Variants in FRY observed in about 807,000 individuals in gnomAD.
FRY encodes FRY microtubule binding protein.
FRY carries 128 observed loss-of-function variants against 348.4 expected under a neutral mutation model. The observed-to-expected ratio is 0.37, with a 90% CI of 0.32 to 0.43. The LOEUF (loss-of-function observed/expected upper bound fraction) is 0.43, where lower values mean the gene tolerates loss of function less well. FRY is among the 20% of genes least tolerant of loss of function. The pLI, the probability that FRY is intolerant of heterozygous loss-of-function variation, is 1.00. For synonymous variants in FRY, 1,370 were observed against 1,374.7 expected, an observed-to-expected ratio of 1.00 and a Z score of 0.08; for missense variants, 2,736 against 3,695.2, an observed-to-expected ratio of 0.74 and a Z score of 6.73.
rs1283805938 is a variant in FRY at position 32,237,061 on chromosome 13, AG to A, written c.5811-316del. ...CAGAATATTGAAGCTTATACCTATCAGGTACATTTTATTTCATAATTACTCC... is the reference window on the plus strand; with the variant it reads ...CAGAATATTGAAGCTTATACCTATCAGTACATTTTATTTCATAATTACTCC... On this transcript the variant is annotated intron_variant, in intron 43 of 60. Transcript: ENST00000542859. This position sits in a 1 kb window ranked among gnomAD's most constrained non-coding sequence, Gnocchi z 6.3. 6.6e-6 allele frequency among the ~76,000 whole-genome samples: 1 copy of A among 152,168 alleles called. No homozygotes were observed. The highest frequency in any genetic ancestry group is 1.5e-5 in the Non-Finnish European group (1 of 68,028).
intron 2 of FRY, among the ~76,000 whole-genome samples, chr13:32,081,942 C>A (rs1170827946): frequency 1.3e-5 from 2 of 151,994 alleles, no homozygotes; most frequent in African/African-American, 4.8e-5. Context: ...GCTTTAAAAC[C>A]CTGAATTTAT....
At chr13:32,087,525 G>A (rs1875964886) in intron 2 of FRY, among the ~76,000 whole-genome samples, 1 of 152,156 alleles carries the variant, frequency 6.6e-6, no homozygotes, top group Non-Finnish European at 1.5e-5. Flanking sequence ...TTGATGAACG[G>A]GACTGTGGGT....
chr13:32,124,873 C>G lies in FRY; in HGVS notation c.714C>G (p.Ala238=), dbSNP rs781763670. 6.2e-6 allele frequency: 10 copies of G among 1,603,672 alleles called. No homozygotes were observed. The Admixed American group carries it at 1.7e-4, about 27-fold the overall frequency. The change falls in exon 7 of 61, where the codon GCC becomes GCG. Residue 238 remains alanine, a splice_region_variant and synonymous_variant. Coordinates refer to ENST00000542859, the MANE Select transcript of FRY (RefSeq NM_023037.3). ...YAEVIGVLAQ[A]KFPAVKKKFM... ...AAGTCATTGGAGTGTTGGCACAAGC[C>G]AAGTAAGTGAATGCCAGAACCCTTT...
intron 2 of FRY, chr13:32,085,963 C>G (rs772324075): frequency 2.1e-5 from 11 of 518,838 alleles, no homozygotes; most frequent in Admixed American, 1.9e-4. Context: ...GACAACACCC[C>G]CAACGATCTC....
chr13:32,192,474 G>A (rs962511304), intron 28 of FRY, among the ~76,000 whole-genome samples: 5 of 151,462 alleles, frequency 3.3e-5, no homozygotes, highest in Non-Finnish European at 5.9e-5. Flanking sequence ...CACCACGCCT[G>A]GCTAATTTTT....
Position 32,182,970 on chromosome 13 carries a change from TC to T in FRY, c.2997-5del. 1 of 1,586,874 alleles carries T rather than the reference TC, an allele frequency of 6.3e-7. No homozygotes were observed. Among genetic ancestry groups the T allele is most frequent in the Non-Finnish European group, 8.7e-7 (1 of 1,155,852 alleles). ...TGAATTTCAAATTTGACCTTTTTCC[TC>T]CACAGAGAATTGGTAGAAGAACTTC... is the stretch of plus-strand genomic sequence containing the variant. On this transcript the variant is annotated splice_region_variant and splice_polypyrimidine_tract_variant and intron_variant, in intron 23 of 60. Coordinates refer to ENST00000542859, the MANE Select transcript of FRY (RefSeq NM_023037.3).
At chr13:32,034,115 G>A (rs972093487) in intron 1 of FRY, among the ~76,000 whole-genome samples, 2 of 152,190 alleles carry the variant, frequency 1.3e-5, no homozygotes, top group African/African-American at 4.8e-5. Flanking sequence ...CCACATACCT[G>A]AATGGAGACT....
chr13:32,237,345 G>A lies in FRY; in HGVS notation c.5811-34G>A, dbSNP rs754756135. The A allele has an allele frequency of 2.5e-6, 4 of 1,609,572 alleles. No homozygotes were observed. The highest frequency in any genetic ancestry group is 2.2e-5 in the East Asian group (1 of 44,862). On this transcript the variant is annotated intron_variant, in intron 43 of 60. Transcript: ENST00000542859. This position sits in a 1 kb window ranked among gnomAD's most constrained non-coding sequence, Gnocchi z 6.3. ...GACTGGCTTTTGGTGACACATGTTG[G>A]CATCCTATTAAACTTATTTATTTTT...
At chr13:32,242,642 C>A (rs1886577693) in intron 46 of FRY, among the ~76,000 whole-genome samples, 1 of 152,176 alleles carries the variant, frequency 6.6e-6, no homozygotes, top group Non-Finnish European at 1.5e-5. Context: ...TCACACAGTT[C>A]TCCTGCCTCA....
chr13:32,082,657 C>T (rs1875574769), intron 2 of FRY, among the ~76,000 whole-genome samples: 1 of 152,152 alleles, frequency 6.6e-6, no homozygotes, highest in Admixed American at 6.5e-5. Context: ...TGGTAAATTA[C>T]TCAGTCTTGT....
chr13:32,268,500 AAAAAAATATATATATATATAT>A (rs1243632266), intron 55 of FRY, among the ~76,000 whole-genome samples: 2 of 18,986 alleles, frequency 1.1e-4, no homozygotes, highest in South Asian at 3.2e-3. Flanking sequence ...AAAAAAAAAA[AAAAAAATATATATATATATAT>A]ATATATATAT....
In FRY at chr13:32,134,966, T is replaced by G; in HGVS notation, c.948T>G (p.Leu316=). Reference sequence around the variant, plus strand: ...ATATCAAGCATGCCTTGGCTGGGCTTTTTGTTGAAATACTTGTTCCAGTTG... The same window carrying G: ...ATATCAAGCATGCCTTGGCTGGGCTGTTTGTTGAAATACTTGTTCCAGTTG... ...DKDIKHALAG[L]FVEILVPVAA... Residue 316 remains leucine (L), a synonymous_variant, in exon 9 of 61, where the codon CTT becomes CTG. Coordinates refer to ENST00000542859, the MANE Select transcript of FRY (RefSeq NM_023037.3). 1 of 1,613,122 alleles carries G rather than the reference T, an allele frequency of 6.2e-7. No homozygotes were observed. The highest frequency in any genetic ancestry group is 8.5e-7 in the Non-Finnish European group (1 of 1,179,054).
intron 3 of FRY, among the ~76,000 whole-genome samples, chr13:32,110,862 T>C (rs1877908160): frequency 6.6e-6 from 1 of 152,244 alleles, no homozygotes; most frequent in East Asian, 1.9e-4. Context: ...TAAAGTCTGA[T>C]TACTCTGCAA....
intron 3 of FRY, among the ~76,000 whole-genome samples, chr13:32,111,314 C>T (rs1206995911): frequency 6.6e-6 from 1 of 151,864 alleles, no homozygotes; most frequent in Non-Finnish European, 1.5e-5. Context: ...ATGGTGAAAC[C>T]CCATCTCTAC....
At chr13:32,135,057 A>G in intron 9 of FRY, 28 bp from the exon 10 acceptor site, 1 of 1,546,974 alleles carries the variant, frequency 6.5e-7, no homozygotes, top group East Asian at 2.2e-5. Flanking sequence ...TTTTATTAAT[A>G]TAATATTCAC....
intron 57 of FRY, 28 bp downstream of exon 57, chr13:32,276,590 C>A: frequency 8.3e-7 from 1 of 1,204,608 alleles, no homozygotes; most frequent in Non-Finnish European, 1.2e-6. Flanking sequence ...TATGCATATG[C>A]AGTCAGTTAA....
chr13:32,283,992 G>A (rs1300659548), intron 58 of FRY, among the ~76,000 whole-genome samples: 2 of 152,230 alleles, frequency 1.3e-5, no homozygotes, highest in Non-Finnish European at 2.9e-5. Context: ...AGGGAACAAA[G>A]TCTGCAGACC....
At chr13:32,282,366 G>T (rs928219164) in intron 58 of FRY, among the ~76,000 whole-genome samples, 1 of 152,138 alleles carries the variant, frequency 6.6e-6, no homozygotes, top group Non-Finnish European at 1.5e-5. Flanking sequence ...TCTATGTCAG[G>T]ATATAAATAG....
Position 32,178,245 on chromosome 13 carries a change from T to C in FRY, c.2490T>C (p.Asn830=), listed in dbSNP as rs1882489145. The change falls in exon 21 of 61, where the codon AAT becomes AAC. Residue 830 remains asparagine, a synonymous_variant. Coordinates refer to ENST00000542859, the MANE Select transcript of FRY (RefSeq NM_023037.3). ...WLVEWNAVLV[N]SHYDVKSPSH... is the part of the protein sequence containing the mutation. ...TGGAATGGAACGCAGTCCTGGTCAATAGCCATTATGATGTGAAAAGCCCTT... is the reference window on the plus strand; with the variant it reads ...TGGAATGGAACGCAGTCCTGGTCAACAGCCATTATGATGTGAAAAGCCCTT... 1 of 1,614,218 alleles carries C rather than the reference T, an allele frequency of 6.2e-7. No individual in the cohort carries two copies. The highest frequency in any genetic ancestry group is 8.5e-7 in the Non-Finnish European group (1 of 1,180,026).
Sources: allele counts gnomAD v4.1 joint callset (sites outside exome capture counted in the v4.1 genomes callset), GRCh38; gene constraint gnomAD v4.1.1; non-coding constraint Gnocchi (gnomAD v3.1); transcripts MANE v1.5; gene names NCBI Gene and HGNC (gene_info 2026-07-23, HGNC 2026-07-21).